Variants in IL13RA1 observed in about 807,000 individuals in gnomAD.
IL13RA1 encodes interleukin-13 receptor subunit alpha-1.
Under a neutral mutation model 33.8 loss-of-function variants are expected in IL13RA1, and 14 were observed. The observed-to-expected ratio is 0.41, with a 90% CI of 0.27 to 0.65. The LOEUF (loss-of-function observed/expected upper bound fraction) is 0.65. Among genes scored for constraint, IL13RA1 ranks in the 30% least tolerant of loss-of-function variants. The pLI is 0.28. For missense variants in IL13RA1, 313 were observed against 327.0 expected, an observed-to-expected ratio of 0.96 and a Z score of 0.33; for synonymous variants, 116 against 115.7, an observed-to-expected ratio of 1.00 and a Z score of -0.02.
rs1400245744 is a variant in IL13RA1 at position 118,737,236 on chromosome X, C to T, written c.89-3781C>T. 5.3e-5 allele frequency among the ~76,000 whole-genome samples: 6 copies of T among 112,551 alleles called. No individual in the cohort carries two copies. The East Asian group carries it at 8.4e-4, about 16-fold the overall frequency. On this transcript the variant is annotated intron_variant, in intron 1 of 10. Coordinates refer to ENST00000371666, the MANE Select transcript of IL13RA1 (RefSeq NM_001560.3). ...AGGGCTCCAGGAACATGTGCACAGC[C>T]GCCTGCCATGGGGTTGGGGATGAAG...
In IL13RA1 at chrX:118,732,441, C is replaced by T. The variant is rs968277600; in HGVS notation, c.88+4715C>T. ...TTATTATACCTTAAGTTCTAGGGTA[C>T]ATTGCACAACGTGCAGGTTTGTTAC... On this transcript the variant is annotated intron_variant, in intron 1 of 10. Coordinates refer to ENST00000371666, the MANE Select transcript of IL13RA1 (RefSeq NM_001560.3). 3.0e-4 allele frequency among the ~76,000 whole-genome samples: 33 copies of T among 109,580 alleles called. No individual in the cohort carries two copies. The East Asian group carries it at 8.3e-3, about 27-fold the overall frequency.
chrX:118,801,191 G>A, the IL13RA1 span, among the ~76,000 whole-genome samples: 3 of 112,760 alleles, frequency 2.7e-5, no homozygotes, highest in Non-Finnish European at 3.7e-5. Flanking sequence ...AATTTCCTCT[G>A]AGAATGTTGA....
At chrX:118,730,026 C>T (rs2250731) in intron 1 of IL13RA1, among the ~76,000 whole-genome samples, 19,357 of 111,970 alleles carry the variant, frequency 0.17, 1,493 homozygotes, top group East Asian at 0.41. Context: ...TATATTAGGC[C>T]GGGTGCAGTG....
In IL13RA1 at chrX:118,735,836, G is replaced by A. The variant is rs777617609; in HGVS notation, c.89-5181G>A. The stretch of plus-strand genomic sequence containing the variant: ...GTGCTGGGATGAGCCACCACACCCG[G>A]CTCATTATTTTTTCAAGTATTCTTT... On this transcript the variant is annotated intron_variant, in intron 1 of 10. Coordinates refer to ENST00000371666, the MANE Select transcript of IL13RA1 (RefSeq NM_001560.3). Among the ~76,000 whole-genome samples the A allele has an allele frequency of 3.6e-5, 4 of 111,644 alleles. No homozygotes were observed. In the East Asian group the frequency reaches 1.1e-3, roughly 32 times the overall value.
chrX:118,749,081 AT>A (rs1331144887), intron 3 of IL13RA1, among the ~76,000 whole-genome samples: 1 of 111,351 alleles, frequency 9.0e-6, no homozygotes, highest in African/African-American at 3.3e-5. Flanking sequence ...ACACCTGGCT[AT>A]TTTTTGTATT....
chrX:118,788,411 A>G (rs185168607), intron 10 of IL13RA1, among the ~76,000 whole-genome samples: 79 of 112,038 alleles, frequency 7.1e-4, no homozygotes, highest in African/African-American at 2.5e-3. Flanking sequence ...AATAGTTGGG[A>G]AAAAAATGTA....
intron 5 of IL13RA1, among the ~76,000 whole-genome samples, chrX:118,759,782 T>C (rs1024320606): frequency 1.4e-4 from 16 of 111,225 alleles, no homozygotes; most frequent in African/African-American, 5.2e-4. Flanking sequence ...ATAAATTATT[T>C]TTTTCTTTTT....
At position 118,794,218 on chromosome X, in the gene IL13RA1, T is replaced by C. The variant is rs983721647; in HGVS notation, c.*2364T>C. ...GAAGTTATGGGAATACCTGTGGTGG[T>C]TGTGATCCCTAGGTCTTGGGAGCTC... On this transcript the variant is annotated 3_prime_UTR_variant, in exon 11 of 11. Transcript: ENST00000371666. 1 of 111,760 alleles carries C rather than the reference T, an allele frequency of 8.9e-6. No individual in the cohort carries two copies. Among genetic ancestry groups the C allele is most frequent in the East Asian group, 2.8e-4 (1 of 3,565 alleles). The allele number at this position is 111,760 out of a possible 1,213,427, so 9.2% of individuals were successfully genotyped here.
At chrX:118,731,577 CAA>C (rs371387309) in intron 1 of IL13RA1, among the ~76,000 whole-genome samples, 44 of 53,630 alleles carry the variant, frequency 8.2e-4, no homozygotes, top group African/African-American at 1.2e-3. Context: ...ACTCCGTCTC[CAA>C]AAAAAAAAAA....
At chrX:118,748,987 C>T (rs2017440999) in intron 3 of IL13RA1, among the ~76,000 whole-genome samples, 1 of 111,655 alleles carries the variant, frequency 9.0e-6, no homozygotes, top group African/African-American at 3.3e-5. Flanking sequence ...AAGATCTTGG[C>T]TCACTGCAAC....
chrX:118,797,822 A>G (rs1484307128), downstream of IL13RA1, among the ~76,000 whole-genome samples: 1 of 111,361 alleles, frequency 9.0e-6, no homozygotes, highest in East Asian at 2.8e-4. Context: ...GAAGTGTGAG[A>G]AGGAACTGGA....
At chrX:118,783,398 G>A (rs2017866992) in intron 10 of IL13RA1, among the ~76,000 whole-genome samples, 1 of 111,642 alleles carries the variant, frequency 9.0e-6, no homozygotes, top group Non-Finnish European at 1.9e-5. Flanking sequence ...TTTTCTACAA[G>A]TGGTTTTAAA....
At chrX:118,779,043 A>T (rs2017814598) in intron 10 of IL13RA1, among the ~76,000 whole-genome samples, 2 of 112,188 alleles carry the variant, frequency 1.8e-5, no homozygotes, top group African/African-American at 6.5e-5. Context: ...CTTCTAAGAC[A>T]TCTGTATGAC....
At chrX:118,784,127 ATG>A (rs1325190671) in intron 10 of IL13RA1, among the ~76,000 whole-genome samples, 333 of 24,834 alleles carry the variant, frequency 0.013, 6 homozygotes, top group Middle Eastern at 0.051. Context: ...ATGTATATAT[ATG>A]TATATATATA....
intron 10 of IL13RA1, among the ~76,000 whole-genome samples, chrX:118,785,502 T>G (rs2017906379): frequency 8.9e-6 from 1 of 112,241 alleles, no homozygotes; most frequent in South Asian, 3.7e-4. Context: ...GATGATATGT[T>G]GTGTTTATTT....
chrX:118,765,803 C>T (rs1344638635), intron 6 of IL13RA1, among the ~76,000 whole-genome samples: 1 of 112,425 alleles, frequency 8.9e-6, no homozygotes, highest in Non-Finnish European at 1.9e-5. Flanking sequence ...CCTCACAACA[C>T]TTGTTGTTGT....
At chrX:118,727,834 G>T (rs2067101161) in intron 1 of IL13RA1, 108 bp downstream of exon 1, 1 of 314,453 alleles carries the variant, frequency 3.2e-6, no homozygotes. Flanking sequence ...CGAAGCTGGG[G>T]TGGGTGCTGG....
At chrX:118,740,784 A>G (rs1039738291) in intron 1 of IL13RA1, among the ~76,000 whole-genome samples, 1 of 112,258 alleles carries the variant, frequency 8.9e-6, no homozygotes, top group African/African-American at 3.2e-5. Context: ...TTCTATCTCA[A>G]AAAACAACAA....
At chrX:118,802,295 G>C in the IL13RA1 span, among the ~76,000 whole-genome samples, 1 of 112,356 alleles carries the variant, frequency 8.9e-6, no homozygotes, top group East Asian at 2.8e-4. Context: ...ATGAAGACTA[G>C]AACTAGAATT....
Sources: allele counts gnomAD v4.1 joint callset (sites outside exome capture counted in the v4.1 genomes callset), GRCh38; gene constraint gnomAD v4.1.1; transcripts MANE v1.5; gene names NCBI Gene and HGNC (gene_info 2026-07-23, HGNC 2026-07-21).